Variants in TNRC18 observed in about 807,000 individuals in gnomAD.
TNRC18 encodes trinucleotide repeat containing 18.
In TNRC18, 69 loss-of-function variants were observed where a neutral mutation model predicts 226.7. The ratio of observed to expected loss-of-function variants is 0.30; its 90% CI spans 0.25 to 0.37. The LOEUF (loss-of-function observed/expected upper bound fraction) is 0.37. TNRC18 is among the 10% of genes least tolerant of loss of function. The probability of loss-of-function intolerance (pLI) is 1.00; values close to 1 mark genes in which losing one functional copy is unlikely to be tolerated. For synonymous variants in TNRC18, 2,449 were observed against 1,927.6 expected (o/e 1.27, Z -7.09); for missense variants, 4,754 against 4,256.6 (o/e 1.12, Z -3.25).
intron 21 of TNRC18, 34 bp from the exon 22 acceptor site, chr7:5,321,224 C>G (rs1562489096): frequency 6.8e-7 from 1 of 1,467,324 alleles, no homozygotes; most frequent in Admixed American, 2.0e-5. Flanking sequence ...GAGGCTGGAG[C>G]CGGGGGCGTC....
At chr7:5,337,940 G>T (rs58230749) in intron 18 of TNRC18, among the ~76,000 whole-genome samples, 47,762 of 151,714 alleles carry the variant, frequency 0.31, 8,941 homozygotes, top group East Asian at 0.64. Context: ...CCAAGATCAC[G>T]CCACTGCACT....
intron 9 of TNRC18, 132 bp downstream of exon 9, chr7:5,375,902 C>T (rs1794623632): frequency 5.4e-6 from 5 of 917,650 alleles, no homozygotes; most frequent in Non-Finnish European, 8.0e-6. Context: ...TCCAGAAGCC[C>T]TCCCTGACCA....
chr7:5,376,717 AC>A (rs1779000837), intron 8 of TNRC18, 129 bp downstream of exon 8: 4 of 1,119,472 alleles, frequency 3.6e-6, no homozygotes. Context: ...TTCTCTCTGA[AC>A]CCCGGTCCGC....
chr7:5,377,580 GA>G lies in TNRC18; in HGVS notation c.2256-5del. ...GTCAGCCAGCTCCTTACTCTCTCTG[GA>G]AGGAGGATCATAGGTGTCAGCGACA... On this transcript the variant is annotated splice_polypyrimidine_tract_variant and splice_region_variant and intron_variant, in intron 6 of 29. Transcript: ENST00000430969. The surrounding 1 kb of genome is among the most constrained non-coding windows in gnomAD (Gnocchi z 5.8). 2 of 1,573,540 alleles carry G rather than the reference GA, an allele frequency of 1.3e-6. No homozygotes were observed. The highest frequency in any genetic ancestry group is 1.2e-5 in the South Asian group (1 of 85,908).
chr7:5,323,000 A>C (rs563216705), intron 21 of TNRC18, among the ~76,000 whole-genome samples: 18 of 152,284 alleles, frequency 1.2e-4, no homozygotes, highest in African/African-American at 3.8e-4. Flanking sequence ...TGGCAGGATA[A>C]ACAACACACG....
intron 24 of TNRC18, among the ~76,000 whole-genome samples, chr7:5,319,119 G>T (rs186709863): frequency 6.6e-6 from 1 of 152,312 alleles, no homozygotes; most frequent in East Asian, 1.9e-4. Flanking sequence ...TAGGAAATCC[G>T]AATCTAAGGC....
intron 2 of TNRC18, among the ~76,000 whole-genome samples, chr7:5,417,291 G>A (rs1782253639): frequency 6.6e-6 from 1 of 152,132 alleles, no homozygotes; most frequent in Non-Finnish European, 1.5e-5. Flanking sequence ...AACATAGCAA[G>A]ACCCTACCTC....
chr7:5,344,580 G>A (rs1210396320), intron 18 of TNRC18, among the ~76,000 whole-genome samples: 1 of 152,178 alleles, frequency 6.6e-6, no homozygotes. Flanking sequence ...AGGGCATGAA[G>A]CCAGGGGCAG....
At chr7:5,375,978 C>T in intron 9 of TNRC18, 56 bp downstream of exon 9, 1 of 1,493,638 alleles carries the variant, frequency 6.7e-7, no homozygotes, top group Non-Finnish European at 9.0e-7. Context: ...GACTCGTCTG[C>T]CTCGTCACCC....
At chr7:5,413,818 C>T (rs955779160) in intron 2 of TNRC18, among the ~76,000 whole-genome samples, 4 of 152,252 alleles carry the variant, frequency 2.6e-5, no homozygotes, top group African/African-American at 9.6e-5. Flanking sequence ...CAGGCATGAG[C>T]CACCATGCCC....
chr7:5,313,058 T>C lies in TNRC18; in HGVS notation c.7833A>G (p.Ser2611=). ...NCSAASSRAA[S]PASSSSSSSS... is the part of the protein sequence containing the mutation. ...ATGAGGAGGAGGAGGAGGAGGCCGGTGAGGCCGCCCTGGAGCTGGCAGCGC... is the reference window on the plus strand; with the variant it reads ...ATGAGGAGGAGGAGGAGGAGGCCGGCGAGGCCGCCCTGGAGCTGGCAGCGC... Residue 2611 remains serine (S), a synonymous_variant, in exon 27 of 30, where the codon TCA becomes TCG. Coordinates refer to ENST00000430969, the MANE Select transcript of TNRC18 (RefSeq NM_001080495.3). 9.5e-7 allele frequency: 1 copy of C among 1,054,228 alleles called. No homozygotes were observed. 65.3% of individuals were successfully genotyped at this position (1,054,228 alleles called of 1,614,324 possible).
rs13238738 is a variant in TNRC18 at position 5,332,775 on chromosome 7, G to T, written c.5994C>A (p.Arg1998=). The T allele has an allele frequency of 0.59, 898,247 of 1,514,336 alleles. 270,321 individuals are homozygous for T. Among genetic ancestry groups the T allele is most frequent in the East Asian group, 0.75 (29,217 of 38,808 alleles). The allele number at this position is 1,514,336 out of a possible 1,614,324, so 93.8% of individuals were successfully genotyped here. A position where few individuals can be genotyped will look rare whatever the true frequency, so the allele number is the denominator to read the frequency against. ...CGTCGTGCAGGAAGATGCGCTCGCT[G>T]CGGCGCCGCGTCCACAGGTCGTCGT... The part of the protein sequence containing the change: ...ASDDDLWTRR[R]SERIFLHDAS... The change falls in exon 19 of 30, where the codon CGC becomes CGA. Residue 1998 remains arginine, a synonymous_variant. Coordinates refer to ENST00000430969, the MANE Select transcript of TNRC18 (RefSeq NM_001080495.3).
At chr7:5,358,758 G>A (rs1015479524) in intron 15 of TNRC18, among the ~76,000 whole-genome samples, 1 of 152,198 alleles carries the variant, frequency 6.6e-6, no homozygotes, top group South Asian at 2.1e-4. Context: ...ATGTTGCAGT[G>A]AGCCGAGATC....
At chr7:5,319,859 C>T (rs1253717894) in intron 24 of TNRC18, among the ~76,000 whole-genome samples, 1 of 152,166 alleles carries the variant, frequency 6.6e-6, no homozygotes, top group Non-Finnish European at 1.5e-5. Flanking sequence ...GGAAGCCACC[C>T]TCCCATCTTT....
chr7:5,417,809 C>A (rs1201597453), intron 2 of TNRC18, among the ~76,000 whole-genome samples: 5 of 152,200 alleles, frequency 3.3e-5, no homozygotes, highest in Admixed American at 6.5e-5. Flanking sequence ...CCTTGCAAAT[C>A]GTCCTTATCT....
rs1208711617 is a variant in TNRC18 at position 5,313,615 on chromosome 7, G to A, written c.7276C>T (p.Pro2426Ser). The change falls in exon 27 of 30, where the codon CCC (proline) becomes TCC (serine). Residue 2426 changes from proline (P) to serine (S), a missense_variant. By Grantham distance (74) the Pro-to-Ser change is moderately conservative. Coordinates refer to ENST00000430969, the MANE Select transcript of TNRC18 (RefSeq NM_001080495.3). Reference sequence around the variant, plus strand: ...CGTGTGGCAGGCATGGTGATGAGGGGTGCTGGGGCCAGGGAGGTGGCAGGA... The same window carrying A: ...CGTGTGGCAGGCATGGTGATGAGGGATGCTGGGGCCAGGGAGGTGGCAGGA... ...PAPATSLAPA[P>S]LITMPATRPK... The A allele has an allele frequency of 1.2e-6, 2 of 1,603,598 alleles. No homozygotes were observed. The highest frequency in any genetic ancestry group is 1.1e-5 in the South Asian group (1 of 90,008).
chr7:5,407,740 C>A (rs1781572038), intron 2 of TNRC18, among the ~76,000 whole-genome samples: 1 of 152,210 alleles, frequency 6.6e-6, no homozygotes, highest in African/African-American at 2.4e-5. Context: ...TCAGCCTTGC[C>A]CCTAGGGCTC....
At position 5,423,486 on chromosome 7, in the gene TNRC18, C is replaced by A. The variant is rs961406126; in HGVS notation, c.-289G>T. 7 of 152,124 alleles carry A rather than the reference C, an allele frequency of 4.6e-5. No homozygotes were observed. The highest frequency in any genetic ancestry group is 2.0e-4 in the Admixed American group (3 of 15,270). 9.4% of individuals were successfully genotyped at this position (152,124 alleles called of 1,614,324 possible). A position where few individuals can be genotyped will look rare whatever the true frequency, so the allele number is the denominator to read the frequency against. ...GCTCCAGGCTCCGGCGACAACGACT[C>A]CGGCGGCGGCCCCGGCTCCCGGCGC... On this transcript the variant is annotated 5_prime_UTR_variant, in exon 1 of 30. Coordinates refer to ENST00000430969, the MANE Select transcript of TNRC18 (RefSeq NM_001080495.3).
Position 5,388,266 on chromosome 7 carries a change from C to T in TNRC18, c.1558G>A (p.Ala520Thr), listed in dbSNP as rs1433422962. The change falls in exon 5 of 30, where the codon GCC (alanine) becomes ACC (threonine). Residue 520 changes from alanine (A) to threonine (T), a missense_variant. Transcript: ENST00000430969. ...WKPFELGNFA[A>T]TQMAVLAAQH... is the part of the protein sequence containing the mutation. Reference sequence around the variant, plus strand: ...GCGGCCAGCACGGCCATCTGCGTGGCGGCGAAGTTGCCCAGCTCGAAGGGT... The same window carrying T: ...GCGGCCAGCACGGCCATCTGCGTGGTGGCGAAGTTGCCCAGCTCGAAGGGT... 2 of 1,590,284 alleles carry T rather than the reference C, an allele frequency of 1.3e-6. No individual in the cohort carries two copies. The highest frequency in any genetic ancestry group is 1.7e-6 in the Non-Finnish European group (2 of 1,166,616).
Sources: gnomAD v4.1 joint callset for allele counts (sites outside exome capture counted in the v4.1 genomes callset) on GRCh38, gnomAD v4.1.1 for gene constraint, Gnocchi (gnomAD v3.1) non-coding constraint, MANE v1.5 for transcripts, NCBI Gene and HGNC (gene_info 2026-07-23, HGNC 2026-07-21) for gene names.